Variants in ATP13A5 observed in about 807,000 individuals in gnomAD.
The protein encoded by ATP13A5 is probable cation-transporting ATPase 13A5.
A neutral mutation model predicts 150.2 loss-of-function variants in ATP13A5; 149 were observed. The observed-to-expected ratio is 0.99, with a 90% CI of 0.87 to 1.14. ATP13A5 has a LOEUF of 1.14. Among genes scored for constraint, ATP13A5 ranks in the 50% most tolerant of loss-of-function variants. ATP13A5 has a pLI of 0.00. For missense variants in ATP13A5, 1,383 were observed against 1,449.3 expected (o/e 0.95, Z 0.74); for synonymous variants, 497 against 522.2 (o/e 0.95, Z 0.66).
At chr3:193,320,542 TAACTG>T (rs937659710) in intron 16 of ATP13A5, among the ~76,000 whole-genome samples, 1 of 152,216 alleles carries the variant, frequency 6.6e-6, no homozygotes, top group Non-Finnish European at 1.5e-5. Context: ...TGTACCCGTG[TAACTG>T]AAACAAAACA....
chr3:193,310,572 T>G (rs1718802282), intron 21 of ATP13A5, 66 bp downstream of exon 21: 1 of 1,292,468 alleles, frequency 7.7e-7, no homozygotes, highest in African/African-American at 1.5e-5. Context: ...GACTCACACC[T>G]GAATTATTGA....
At chr3:193,307,735 C>A (rs1718673045) in intron 21 of ATP13A5, among the ~76,000 whole-genome samples, 1 of 152,178 alleles carries the variant, frequency 6.6e-6, no homozygotes, top group South Asian at 2.1e-4. Flanking sequence ...AGATCATAAC[C>A]CAATCCAGCT....
At chr3:193,349,296 CAAGTCTA>C (rs1712472061) in intron 7 of ATP13A5, among the ~76,000 whole-genome samples, 1 of 152,074 alleles carries the variant, frequency 6.6e-6, no homozygotes, top group African/African-American at 2.4e-5. Flanking sequence ...ATACTGCCAC[CAAGTCTA>C]AAGTTCCCAT....
chr3:193,368,270 C>A (rs1713317643), intron 1 of ATP13A5, among the ~76,000 whole-genome samples: 3 of 151,978 alleles, frequency 2.0e-5, no homozygotes, highest in Non-Finnish European at 4.4e-5. Context: ...CAAAGTTGTA[C>A]AAGACATCTA....
intron 1 of ATP13A5, among the ~76,000 whole-genome samples, chr3:193,375,718 G>A (rs186744193): frequency 6.6e-6 from 1 of 152,136 alleles, no homozygotes; most frequent in African/African-American, 2.4e-5. Context: ...GCCCAGGACA[G>A]TAAGCACTAC....
At chr3:193,354,606 C>A (rs1291468604) in intron 5 of ATP13A5, among the ~76,000 whole-genome samples, 1 of 151,468 alleles carries the variant, frequency 6.6e-6, no homozygotes, top group Non-Finnish European at 1.5e-5. Flanking sequence ...GTACCTCCAG[C>A]ACCTAGGACA....
chr3:193,331,534 G>T (rs1577354189), intron 11 of ATP13A5, among the ~76,000 whole-genome samples: 1 of 152,210 alleles, frequency 6.6e-6, no homozygotes, highest in Non-Finnish European at 1.5e-5. Context: ...TCCCCCACTA[G>T]CCTACAAACT....
intron 1 of ATP13A5, among the ~76,000 whole-genome samples, chr3:193,366,396 A>G (rs1277591872): frequency 1.3e-5 from 2 of 152,088 alleles, no homozygotes; most frequent in Non-Finnish European, 2.9e-5. Context: ...AAAAAGGAAA[A>G]GAAGGGGAAA....
chr3:193,354,060 T>C, intron 6 of ATP13A5, 67 bp downstream of exon 6: 1 of 1,330,902 alleles, frequency 7.5e-7, no homozygotes, highest in African/African-American at 1.5e-5. Context: ...ATGTGTTCCT[T>C]CTAGGAAGTA....
intron 2 of ATP13A5, among the ~76,000 whole-genome samples, chr3:193,363,778 C>A (rs1016095949): frequency 7.9e-5 from 12 of 152,276 alleles, no homozygotes; most frequent in African/African-American, 2.6e-4. Flanking sequence ...AACTGAATGA[C>A]CATTCCCATG....
At position 193,351,155 on chromosome 3, in the gene ATP13A5, C is replaced by T. The variant is rs1412863391; in HGVS notation, c.653G>A (p.Trp218Ter). 1 of 1,613,740 alleles carries T rather than the reference C, an allele frequency of 6.2e-7. No individual in the cohort carries two copies. The change falls in exon 7 of 30, where the codon TGG (tryptophan) becomes TAG (stop). Residue 218 changes from tryptophan (W) to a stop codon, truncating the protein, a stop_gained. Transcript: ENST00000342358. LOFTEE classifies it high-confidence loss of function. ...YVFQAFTLTL[W>*]LSQGYIEYSV... ...GTATTCTATGTAACCTTGAGACAGC[C>T]ACAAAGTTAGGGTGAAGGCTTGGAA...
intron 24 of ATP13A5, 139 bp from the exon 25 acceptor site, chr3:193,299,342 AATT>A (rs1718310119): frequency 3.3e-6 from 2 of 598,942 alleles, no homozygotes; most frequent in Non-Finnish European, 5.8e-6. Context: ...ACTAACCTAA[AATT>A]ATTAGCATCT....
At chr3:193,279,678 G>A (rs913022288) in intron 27 of ATP13A5, among the ~76,000 whole-genome samples, 1 of 152,162 alleles carries the variant, frequency 6.6e-6, no homozygotes, top group African/African-American at 2.4e-5. Context: ...TTAATCAAAT[G>A]TATTAAAGTA....
At chr3:193,320,705 G>A (rs1719233141) in intron 16 of ATP13A5, among the ~76,000 whole-genome samples, 1 of 152,158 alleles carries the variant, frequency 6.6e-6, no homozygotes, top group African/African-American at 2.4e-5. Flanking sequence ...TGCACAAGTT[G>A]ATGGCCATCA....
In ATP13A5 at chr3:193,362,596, G is replaced by C. The variant is rs535261451; in HGVS notation, c.426C>G (p.Asn142Lys). The C allele has an allele frequency of 2.1e-5, 34 of 1,614,052 alleles. No homozygotes were observed. The highest frequency in any genetic ancestry group is 2.7e-5 in the Non-Finnish European group (32 of 1,180,016). The change falls in exon 4 of 30, where the codon AAC (asparagine) becomes AAG (lysine). Residue 142 changes from asparagine (N) to lysine (K), a missense_variant. By Grantham distance (94) the Asn-to-Lys change is moderately conservative. Transcript: ENST00000342358. ...MEVQKIRYVW[N>K]DLEKRFQKVG... The stretch of plus-strand genomic sequence containing the variant: ...CTTTCTGAAACCGCTTCTCCAGGTC[G>C]TTCCAAACATACCTGATTTTCTGCA...
chr3:193,317,219 G>A (rs1052841666), intron 17 of ATP13A5, among the ~76,000 whole-genome samples: 2 of 152,138 alleles, frequency 1.3e-5, no homozygotes, highest in African/African-American at 2.4e-5. Context: ...CTGTTAAAAT[G>A]TTGCTCCTCT....
At chr3:193,349,342 T>TA (rs1347719878) in intron 7 of ATP13A5, among the ~76,000 whole-genome samples, 1 of 152,214 alleles carries the variant, frequency 6.6e-6, no homozygotes, top group African/African-American at 2.4e-5. Context: ...CAAAGGAATG[T>TA]AGGGATTCTG....
intron 27 of ATP13A5, among the ~76,000 whole-genome samples, chr3:193,282,946 A>G (rs1405175640): frequency 2.6e-5 from 4 of 152,244 alleles, no homozygotes; most frequent in African/African-American, 9.6e-5. Flanking sequence ...AGGAATAATG[A>G]GGATACACTG....
Position 193,282,342 on chromosome 3 carries a change from A to G in ATP13A5, c.3226+2572T>C, listed in dbSNP as rs115924570. The stretch of plus-strand genomic sequence containing the variant: ...AATAAATATAATGGGAAAGTCATTC[A>G]CAATATAAGCAAAAATATAAAATAC... On this transcript the variant is annotated intron_variant, in intron 27 of 29. Coordinates refer to ENST00000342358, the MANE Select transcript of ATP13A5 (RefSeq NM_198505.4). 4.6e-3 allele frequency among the ~76,000 whole-genome samples: 700 copies of G among 152,310 alleles called. 8 individuals carry two copies. The highest frequency in any genetic ancestry group is 0.016 in the African/African-American group (670 of 41,574).
Sources: allele counts gnomAD v4.1 joint callset (sites outside exome capture counted in the v4.1 genomes callset), GRCh38; gene constraint gnomAD v4.1.1; transcripts MANE v1.5; gene names NCBI Gene and HGNC (gene_info 2026-07-23, HGNC 2026-07-21).